PLCB1: variants seen among roughly 807,000 people sequenced by gnomAD.
The protein encoded by PLCB1 is 1-phosphatidylinositol 4,5-bisphosphate phosphodiesterase beta-1.
Under a neutral mutation model 161.8 loss-of-function variants are expected in PLCB1, and 46 were observed. That is an observed-to-expected ratio of 0.28 (90% CI 0.22 to 0.36). The LOEUF is 0.36. Ranked by LOEUF, PLCB1 falls within the 10% of genes least tolerant of loss-of-function variation. The probability of loss-of-function intolerance (pLI) is 1.00; values close to 1 mark genes in which losing one functional copy is unlikely to be tolerated. For missense variants in PLCB1, 1,016 were observed against 1,472.5 expected, an observed-to-expected ratio of 0.69 and a Z score of 5.07; for synonymous variants, 517 against 503.7, an observed-to-expected ratio of 1.03 and a Z score of -0.35.
intron 3 of PLCB1, among the ~76,000 whole-genome samples, chr20:8,565,742 T>A (rs182441412): frequency 4.9e-4 from 75 of 152,110 alleles, no homozygotes; most frequent in Non-Finnish European, 7.1e-4. Context: ...TAAGGAAGAT[T>A]TTTTTTCTCA....
intron 3 of PLCB1, among the ~76,000 whole-genome samples, chr20:8,535,237 CTG>C (rs1985004065): frequency 1.3e-5 from 1 of 77,934 alleles, no homozygotes; most frequent in Non-Finnish European, 2.6e-5. Flanking sequence ...GGAAAGAAAA[CTG>C]TTTTAAGTAT....
At chr20:8,533,819 G>A (rs1265209640) in intron 3 of PLCB1, among the ~76,000 whole-genome samples, 4 of 152,018 alleles carry the variant, frequency 2.6e-5, no homozygotes, top group African/African-American at 9.7e-5. Context: ...TAGGTTGCCT[G>A]TTCACTCTGA....
chr20:8,557,518 A>T (rs2123012418), intron 3 of PLCB1, among the ~76,000 whole-genome samples: 1 of 152,128 alleles, frequency 6.6e-6, no homozygotes, highest in East Asian at 1.9e-4. Flanking sequence ...GCAGAGTGGC[A>T]GTTGCCAGGG....
intron 4 of PLCB1, among the ~76,000 whole-genome samples, chr20:8,644,471 C>T (rs1410944825): frequency 1.3e-5 from 2 of 151,382 alleles, no homozygotes; most frequent in African/African-American, 2.4e-5. Context: ...GTGAGGAGCG[C>T]CTCTGCCCAG....
At chr20:8,559,238 T>G (rs1368568611) in intron 3 of PLCB1, among the ~76,000 whole-genome samples, 1 of 151,928 alleles carries the variant, frequency 6.6e-6, no homozygotes, top group Non-Finnish European at 1.5e-5. Flanking sequence ...TGTATACTCT[T>G]GAAGTTAAGT....
chr20:8,615,571 T>G (rs1988022109), intron 3 of PLCB1, among the ~76,000 whole-genome samples: 2 of 152,204 alleles, frequency 1.3e-5, no homozygotes, highest in African/African-American at 4.8e-5. Flanking sequence ...TGAATCCCTT[T>G]AGAAACCATT....
At chr20:8,464,282 C>T (rs991310418) in intron 3 of PLCB1, among the ~76,000 whole-genome samples, 1 of 152,086 alleles carries the variant, frequency 6.6e-6, no homozygotes, top group East Asian at 1.9e-4. Context: ...AAGTTTCCTC[C>T]TCAGGATTTG....
At chr20:8,385,469 C>T (rs534888778) in intron 3 of PLCB1, among the ~76,000 whole-genome samples, 2 of 152,342 alleles carry the variant, frequency 1.3e-5, no homozygotes, top group East Asian at 1.9e-4. Context: ...TTACAAGTCC[C>T]AGTGCTGGCT....
intron 3 of PLCB1, among the ~76,000 whole-genome samples, chr20:8,488,278 G>A (rs1174182012): frequency 2.0e-5 from 3 of 151,626 alleles, no homozygotes; most frequent in Admixed American, 6.6e-5. Flanking sequence ...AGTCAAAAAA[G>A]GTAAGGTAGA....
At chr20:8,854,135 CA>C (rs1417787163) in intron 31 of PLCB1, among the ~76,000 whole-genome samples, 1 of 152,132 alleles carries the variant, frequency 6.6e-6, no homozygotes, top group Non-Finnish European at 1.5e-5. Flanking sequence ...AAATGTCACC[CA>C]TGAGCCACTT....
intron 3 of PLCB1, among the ~76,000 whole-genome samples, chr20:8,563,259 A>G (rs1412500528): frequency 6.6e-6 from 1 of 152,042 alleles, no homozygotes; most frequent in Non-Finnish European, 1.5e-5. Flanking sequence ...TTCTGGTGGA[A>G]GTAGTATAGC....
At chr20:8,790,954 A>G (rs1176396833) in intron 31 of PLCB1, among the ~76,000 whole-genome samples, 1 of 152,070 alleles carries the variant, frequency 6.6e-6, no homozygotes, top group African/African-American at 2.4e-5. Flanking sequence ...GTGTTTTTCA[A>G]TTTTCCTGCG....
rs1419507917 is a variant in PLCB1, at chr20:8,523,494, C to CTA, written c.247-104799_247-104798insAT. ...TCTCTCTCTCTCTCTCTCTCTCTCT[C>CTA]TCTATATATATATATATATATATAT... is the stretch of plus-strand genomic sequence containing the variant. On this transcript the variant is annotated intron_variant, in intron 3 of 31. Transcript: ENST00000338037. Among the ~76,000 whole-genome samples the CTA allele has an allele frequency of 2.4e-3, 117 of 49,582 alleles. 2 individuals are homozygous for CTA. Among genetic ancestry groups the CTA allele is most frequent in the African/African-American group, 4.9e-3 (61 of 12,566 alleles). The allele number at this position is 49,582 out of a possible 152,430, so 32.5% of individuals were successfully genotyped here.
At chr20:8,559,382 G>A (rs1986069528) in intron 3 of PLCB1, among the ~76,000 whole-genome samples, 1 of 151,750 alleles carries the variant, frequency 6.6e-6, no homozygotes, top group African/African-American at 2.4e-5. Context: ...ACAAAAGAAG[G>A]CAGTAATGGG....
intron 9 of PLCB1, 109 bp downstream of exon 9, chr20:8,658,813 C>A: frequency 1.1e-6 from 1 of 880,714 alleles, no homozygotes; most frequent in Non-Finnish European, 1.7e-6. Flanking sequence ...CCTCTGTTTA[C>A]AAGGCATTCC....
intron 31 of PLCB1, among the ~76,000 whole-genome samples, chr20:8,816,644 CAG>C (rs2146258889): frequency 6.6e-6 from 1 of 152,224 alleles, no homozygotes; most frequent in South Asian, 2.1e-4. Flanking sequence ...TATGAATGAA[CAG>C]AGAATTTCTG....
chr20:8,550,856 G>T (rs1263469233), intron 3 of PLCB1, among the ~76,000 whole-genome samples: 1 of 152,038 alleles, frequency 6.6e-6, no homozygotes, highest in African/African-American at 2.4e-5. Flanking sequence ...TCTTGCTCTT[G>T]TACCCTCTCT....
chr20:8,243,033 G>A (rs6039106), intron 2 of PLCB1, among the ~76,000 whole-genome samples: 65 of 152,036 alleles, frequency 4.3e-4, no homozygotes, highest in African/African-American at 1.5e-3. Context: ...AATTTGCATC[G>A]TTACGGGCAT....
intron 2 of PLCB1, among the ~76,000 whole-genome samples, chr20:8,275,250 A>AGAGTGT (rs369863898): frequency 8.9e-5 from 13 of 145,372 alleles, no homozygotes; most frequent in South Asian, 4.5e-4. Context: ...CATCAGCGTG[A>AGAGTGT]GTGTGTGTGT....
Sources: allele counts gnomAD v4.1 joint callset (sites outside exome capture counted in the v4.1 genomes callset), GRCh38; gene constraint gnomAD v4.1.1; transcripts MANE v1.5; gene names NCBI Gene and HGNC (gene_info 2026-07-23, HGNC 2026-07-21).